Variants in ATP10D observed in about 807,000 individuals in gnomAD.
The protein encoded by ATP10D is ATPase phospholipid transporting 10D (putative), also known as phospholipid-transporting ATPase VD.
In ATP10D, 89 loss-of-function variants were observed where a neutral mutation model predicts 144.8. The ratio of observed to expected loss-of-function variants is 0.61; its 90% confidence interval spans 0.52 to 0.73. ATP10D has a LOEUF of 0.73. Ranked by LOEUF, ATP10D falls within the 30% of genes least tolerant of loss-of-function variation. The probability of loss-of-function intolerance (pLI) is 0.00; values close to 1 mark genes in which losing one functional copy is unlikely to be tolerated. For missense variants in ATP10D, 1,603 were observed against 1,714.8 expected (o/e 0.93, Z 1.15); for synonymous variants, 571 against 615.1 (o/e 0.93, Z 1.06).
chr4:47,516,528 C>T (rs1318248005), intron 3 of ATP10D, among the ~76,000 whole-genome samples: 1 of 152,148 alleles, frequency 6.6e-6, no homozygotes, highest in Non-Finnish European at 1.5e-5. Flanking sequence ...ACAAATATAA[C>T]TTGTCTTCAA....
Position 47,591,997 on chromosome 4 carries a change from C to CCTCTCACT in ATP10D, c.*618_*625dup, listed in dbSNP as rs1404631658. 6.6e-6 allele frequency: 1 copy of CCTCTCACT among 152,076 alleles called. No individual in the cohort carries two copies. Among genetic ancestry groups the CCTCTCACT allele is most frequent in the Non-Finnish European group, 1.5e-5 (1 of 68,012 alleles). The allele number at this position is 152,076 out of a possible 1,614,324, so 9.4% of individuals were successfully genotyped here. A position where few individuals can be genotyped will look rare whatever the true frequency, so the allele number is the denominator to read the frequency against. On this transcript the variant is annotated 3_prime_UTR_variant, in exon 23 of 23. Transcript: ENST00000273859. The stretch of plus-strand genomic sequence containing the variant: ...TCTTCTGGCTGAAGATGTAGGCATA[C>CCTCTCACT]CTCTCACTCATTTCAATGTTTTCCT...
At chr4:47,563,288 G>T (rs1340407764) in intron 14 of ATP10D, among the ~76,000 whole-genome samples, 3 of 152,158 alleles carry the variant, frequency 2.0e-5, no homozygotes, top group Admixed American at 6.5e-5. Flanking sequence ...GTAGTGTAAG[G>T]TTGCATAAAT....
intron 20 of ATP10D, 36 bp downstream of exon 20, chr4:47,580,514 T>C: frequency 6.5e-7 from 1 of 1,549,414 alleles, no homozygotes; most frequent in Non-Finnish European, 8.9e-7. Context: ...TTGTTATTAA[T>C]GAATCAATGA....
chr4:47,495,727 T>C (rs1715320149), intron 1 of ATP10D, among the ~76,000 whole-genome samples: 1 of 151,532 alleles, frequency 6.6e-6, no homozygotes, highest in South Asian at 2.1e-4. Flanking sequence ...TTAACAATTC[T>C]TTTAAGCAAC....
At position 47,560,520 on chromosome 4, in the gene ATP10D, A is replaced by AC. The variant is rs372089428; in HGVS notation, c.2542-429_2542-428insC. On this transcript the variant is annotated intron_variant, in intron 13 of 22. Transcript: ENST00000273859. ...AAAACAAAACAAAACAAACAAACAA[A>AC]AAAAACATCAAAAGGTATGAAAGGT... is the stretch of plus-strand genomic sequence containing the variant. Among the ~76,000 whole-genome samples the AC allele has an allele frequency of 1.0e-3, 159 of 152,218 alleles. 2 individuals are homozygous for AC. The highest frequency in any genetic ancestry group is 3.8e-3 in the African/African-American group (156 of 41,514).
intron 15 of ATP10D, among the ~76,000 whole-genome samples, chr4:47,567,312 GA>G (rs904051820): frequency 5.3e-5 from 8 of 151,946 alleles, no homozygotes; most frequent in African/African-American, 1.4e-4. Context: ...TTTTTATAAT[GA>G]AAAAAATAGT....
In ATP10D at chr4:47,567,172, GACATGTAACCACAAAA is replaced by G. The variant is rs1486062129; in HGVS notation, c.2854-1660_2854-1645del. Among the ~76,000 whole-genome samples the G allele has an allele frequency of 8.5e-5, 13 of 152,280 alleles. No individual in the cohort carries two copies. The South Asian group carries it at 1.9e-3, about 22-fold the overall frequency. Reference sequence around the variant, plus strand: ...ATGTGACACTCAAATGTCACTCTATGACATGTAACCACAAAAACATCTCAAGTATTGTGAAATTACA... The same window carrying G: ...ATGTGACACTCAAATGTCACTCTATGACATCTCAAGTATTGTGAAATTACA... On this transcript the variant is annotated intron_variant, in intron 15 of 22. Transcript: ENST00000273859.
At chr4:47,530,516 G>T (rs1190072702) in intron 5 of ATP10D, among the ~76,000 whole-genome samples, 1 of 152,078 alleles carries the variant, frequency 6.6e-6, no homozygotes, top group Admixed American at 6.6e-5. Flanking sequence ...GAGCAGAGTG[G>T]TGCGATCTCA....
intron 19 of ATP10D, chr4:47,578,304 C>T (rs768809092): frequency 2.6e-5 from 4 of 152,226 alleles, no homozygotes; most frequent in Non-Finnish European, 4.4e-5. Flanking sequence ...TCCAGAGCTA[C>T]AGAATCTCTC....
intron 5 of ATP10D, among the ~76,000 whole-genome samples, chr4:47,527,789 G>A (rs545100046): frequency 1.3e-3 from 202 of 152,192 alleles, no homozygotes; most frequent in Non-Finnish European, 2.6e-3. Context: ...GCTACTGGTG[G>A]GAATGTAAAA....
At chr4:47,514,593 A>G (rs989286383) in intron 2 of ATP10D, among the ~76,000 whole-genome samples, 3 of 152,250 alleles carry the variant, frequency 2.0e-5, no homozygotes, top group Admixed American at 6.5e-5. Flanking sequence ...AACTTACCAT[A>G]TGGCCCAAAA....
intron 1 of ATP10D, among the ~76,000 whole-genome samples, chr4:47,500,855 A>G (rs757863779): frequency 6.6e-6 from 1 of 152,188 alleles, no homozygotes; most frequent in Non-Finnish European, 1.5e-5. Context: ...TGTAAAGAGG[A>G]GAAAGGAAAG....
intron 5 of ATP10D, among the ~76,000 whole-genome samples, chr4:47,528,716 G>A (rs77040826): frequency 0.033 from 4,968 of 151,974 alleles, 257 homozygotes; most frequent in African/African-American, 0.11. Flanking sequence ...TTTTTAGTTC[G>A]TTGAGAGGTC....
In ATP10D at chr4:47,593,044, G is replaced by A. The variant is rs1721112849; in HGVS notation, c.*1663G>A. The A allele has an allele frequency of 6.6e-6, 1 of 152,030 alleles. No homozygotes were observed. The highest frequency in any genetic ancestry group is 2.1e-4 in the South Asian group (1 of 4,826). 9.4% of individuals were successfully genotyped at this position (152,030 alleles called of 1,614,324 possible). A position where few individuals can be genotyped will look rare whatever the true frequency, so the allele number is the denominator to read the frequency against. On this transcript the variant is annotated 3_prime_UTR_variant, in exon 23 of 23. Transcript: ENST00000273859. ...TGTCATATCATTTATTATCCTCACA[G>A]CAGCTGGCATTCATTCCCTGAAATC...
chr4:47,496,495 A>G (rs1169216386), intron 1 of ATP10D, among the ~76,000 whole-genome samples: 1 of 152,032 alleles, frequency 6.6e-6, no homozygotes, highest in Non-Finnish European at 1.5e-5. Context: ...GTATATTTCT[A>G]CTGAGGGCCA....
At chr4:47,530,738 G>A (rs1717524699) in intron 5 of ATP10D, among the ~76,000 whole-genome samples, 2 of 152,188 alleles carry the variant, frequency 1.3e-5, no homozygotes, top group Non-Finnish European at 2.9e-5. Context: ...TTACAGGCAT[G>A]AGCCACTGCG....
chr4:47,557,866 T>C lies in ATP10D; in HGVS notation c.2027T>C (p.Val676Ala). ...CCAGCTTCACCTGTGGAGGAAGAGG[T>C]CTCCCAGGTGTGTGAGAGCCCCCAG... ...MKPASPVEEE[V>A]SQVCESPQCS... is the part of the protein sequence containing the mutation. Residue 676 changes from valine to alanine, a missense_variant, in exon 12 of 23, where the codon GTC (valine) becomes GCC (alanine). Physicochemically the swap from Val to Ala is moderately conservative, Grantham distance 64 (BLOSUM62 0). Transcript: ENST00000273859. 6.2e-7 allele frequency: 1 copy of C among 1,613,996 alleles called. No individual in the cohort carries two copies. The highest frequency in any genetic ancestry group is 8.5e-7 in the Non-Finnish European group (1 of 1,179,978).
In ATP10D at chr4:47,561,062, A is replaced by G. The variant is rs992613742; in HGVS notation, c.2655A>G (p.Lys885=). 12 of 1,614,048 alleles carry G rather than the reference A, an allele frequency of 7.4e-6. No homozygotes were observed. In the South Asian group the frequency reaches 7.7e-5, roughly 10 times the overall value. Residue 885 remains lysine (K), a synonymous_variant, in exon 14 of 23, where the codon AAA becomes AAG. Transcript: ENST00000273859. ...AATCTGCCATGAGGTTGGAGAACAA[A>G]CTTACATTACTTGGTAGGTGAATTA... is the stretch of plus-strand genomic sequence containing the variant. ...LLESAMRLEN[K]LTLLGATGIE...
rs1477544278 is a variant in ATP10D, at chr4:47,535,978, A to T, written c.960A>T (p.Thr320=). The change falls in exon 7 of 23, where the codon ACA becomes ACT. Residue 320 remains threonine (T), a synonymous_variant. Transcript: ENST00000273859. ...GCAAATTAGAAAGAAGAGCAAACAC[A>T]GATGTCCTCTGGTGTGTCATGCTTC... The part of the protein sequence containing the change: ...KRSKLERRAN[T]DVLWCVMLLV... 1.2e-6 allele frequency: 2 copies of T among 1,613,190 alleles called. No individual in the cohort carries two copies. Among genetic ancestry groups the T allele is most frequent in the Non-Finnish European group, 1.7e-6 (2 of 1,179,304 alleles).
Sources: gnomAD v4.1 joint callset for allele counts (sites outside exome capture counted in the v4.1 genomes callset) on GRCh38, gnomAD v4.1.1 for gene constraint, MANE v1.5 for transcripts, NCBI Gene and HGNC (gene_info 2026-07-23, HGNC 2026-07-21) for gene names.